RGS7BP: variants seen among roughly 807,000 people sequenced by gnomAD.
The protein encoded by RGS7BP is regulator of G protein signaling 7 binding protein.
In RGS7BP, 9 loss-of-function variants were observed where a neutral mutation model predicts 31.3. The observed-to-expected ratio is 0.29, with a 90% CI of 0.17 to 0.50. The LOEUF (loss-of-function observed/expected upper bound fraction) is 0.50, where lower values mean the gene tolerates loss of function less well. Ranked by LOEUF, RGS7BP falls within the 20% of genes least tolerant of loss-of-function variation. RGS7BP has a pLI of 0.98. For synonymous variants in RGS7BP, 115 were observed against 120.1 expected, an observed-to-expected ratio of 0.96 and a Z score of 0.28; for missense variants, 274 against 322.0, an observed-to-expected ratio of 0.85 and a Z score of 1.14.
chr5:64,527,586 T>A, intron 2 of RGS7BP, among the ~76,000 whole-genome samples: 1 of 117,652 alleles, frequency 8.5e-6, no homozygotes, highest in Non-Finnish European at 1.7e-5. Context: ...GTATGTATAT[T>A]AAAGCATTGC....
At chr5:64,601,016 G>C (rs1253366774) in intron 5 of RGS7BP, among the ~76,000 whole-genome samples, 6 of 152,120 alleles carry the variant, frequency 3.9e-5, no homozygotes, top group Non-Finnish European at 7.4e-5. Flanking sequence ...CTTTTCAGGT[G>C]GTTTATTTAT....
intron 3 of RGS7BP, among the ~76,000 whole-genome samples, chr5:64,585,374 A>G (rs754168554): frequency 4.6e-5 from 7 of 152,066 alleles, no homozygotes; most frequent in Non-Finnish European, 1.0e-4. Flanking sequence ...AAAAGATATT[A>G]TCTATGGCAG....
intron 2 of RGS7BP, among the ~76,000 whole-genome samples, chr5:64,526,375 G>A (rs1749230856): frequency 6.6e-6 from 1 of 152,196 alleles, no homozygotes; most frequent in Non-Finnish European, 1.5e-5. Context: ...TCAGGCCCTG[G>A]AGTGGGAACC....
chr5:64,592,728 C>T (rs185328949), intron 3 of RGS7BP, among the ~76,000 whole-genome samples: 2 of 152,276 alleles, frequency 1.3e-5, no homozygotes, highest in East Asian at 3.9e-4. Context: ...AATCTTCTTC[C>T]CCTCCTCCTC....
intron 3 of RGS7BP, among the ~76,000 whole-genome samples, chr5:64,576,991 CT>C (rs1336032423): frequency 6.6e-6 from 1 of 152,022 alleles, no homozygotes; most frequent in Non-Finnish European, 1.5e-5. Context: ...CTTAGAAATA[CT>C]CAGGGAAAAG....
At chr5:64,532,737 C>T (rs1749403598) in intron 2 of RGS7BP, among the ~76,000 whole-genome samples, 1 of 152,038 alleles carries the variant, frequency 6.6e-6, no homozygotes. Context: ...TGAGCCCCCA[C>T]CTCTCATATT....
At chr5:64,564,171 A>G (rs1425354690) in intron 2 of RGS7BP, among the ~76,000 whole-genome samples, 1 of 152,172 alleles carries the variant, frequency 6.6e-6, no homozygotes, top group African/African-American at 2.4e-5. Context: ...CAATGCTACC[A>G]TACTCTTAAT....
At chr5:64,597,426 T>G (rs1044594702) in intron 4 of RGS7BP, among the ~76,000 whole-genome samples, 3 of 151,978 alleles carry the variant, frequency 2.0e-5, no homozygotes, top group Non-Finnish European at 4.4e-5. Flanking sequence ...TTTTCCCTCT[T>G]GTTCCCATAC....
At chr5:64,508,494 A>G (rs1331194261) in intron 2 of RGS7BP, among the ~76,000 whole-genome samples, 8 of 152,190 alleles carry the variant, frequency 5.3e-5, no homozygotes, top group African/African-American at 4.8e-5. Context: ...ATTTATTTTC[A>G]TCAGATTTAT....
intron 2 of RGS7BP, among the ~76,000 whole-genome samples, chr5:64,570,338 T>C (rs1359001278): frequency 6.6e-6 from 1 of 152,152 alleles, no homozygotes; most frequent in Non-Finnish European, 1.5e-5. Flanking sequence ...ATATAGGTGT[T>C]ATTCCAATTT....
chr5:64,540,627 G>A (rs1242702838), intron 2 of RGS7BP, among the ~76,000 whole-genome samples: 1 of 152,112 alleles, frequency 6.6e-6, no homozygotes, highest in Non-Finnish European at 1.5e-5. Context: ...CCTCCAAAAA[G>A]ATTATACTAA....
Position 64,530,204 on chromosome 5 carries a change from C to G in RGS7BP, c.332+22327C>G, listed in dbSNP as rs562277026. ...CTTATCTACTCATCTTTACAACATA[C>G]TTTAACTGTATTGCTCACATTGGAA... On this transcript the variant is annotated intron_variant, in intron 2 of 5. Coordinates refer to ENST00000334025, the MANE Select transcript of RGS7BP (RefSeq NM_001029875.3). Among the ~76,000 whole-genome samples the G allele has an allele frequency of 5.9e-5, 9 of 152,284 alleles. No individual in the cohort carries two copies. In the South Asian group the frequency reaches 1.9e-3, roughly 32 times the overall value.
rs1395082774 is a variant in RGS7BP at position 64,612,143 on chromosome 5, A to G, written c.*2891A>G. ...CTTTGTGGGAAATCTGAAAAATACT[A>G]CCAAATAGAAAATAAAAATCACCTG... On this transcript the variant is annotated 3_prime_UTR_variant, in exon 6 of 6. Coordinates refer to ENST00000334025, the MANE Select transcript of RGS7BP (RefSeq NM_001029875.3). The G allele has an allele frequency of 6.7e-6, 1 of 150,314 alleles. No homozygotes were observed. The highest frequency in any genetic ancestry group is 1.5e-5 in the Non-Finnish European group (1 of 67,378). 9.3% of individuals were successfully genotyped at this position (150,314 alleles called of 1,614,324 possible).
intron 2 of RGS7BP, among the ~76,000 whole-genome samples, chr5:64,550,118 C>T (rs1173784275): frequency 6.6e-6 from 1 of 152,216 alleles, no homozygotes; most frequent in African/African-American, 2.4e-5. Context: ...TGAAACTCTT[C>T]CAGCCTCTAC....
intron 2 of RGS7BP, among the ~76,000 whole-genome samples, chr5:64,553,094 T>G (rs1471553187): frequency 1.3e-5 from 2 of 152,168 alleles, no homozygotes; most frequent in Non-Finnish European, 2.9e-5. Context: ...TGCCTTTTAT[T>G]TTTGGAGCTT....
At chr5:64,589,645 C>T (rs1435254885) in intron 3 of RGS7BP, among the ~76,000 whole-genome samples, 3 of 151,868 alleles carry the variant, frequency 2.0e-5, no homozygotes, top group Non-Finnish European at 2.9e-5. Flanking sequence ...TATAAAGTAA[C>T]ATGACAGGCC....
In RGS7BP at chr5:64,566,371, T is replaced by G. The variant is rs146897034; in HGVS notation, c.333-9403T>G. ...AACATCTTGTAAGTTAGGTGCAGAA[T>G]AGACAGTACACCCTGAGAGAGAGAG... On this transcript the variant is annotated intron_variant, in intron 2 of 5. Transcript: ENST00000334025. 3.4e-3 allele frequency among the ~76,000 whole-genome samples: 512 copies of G among 152,228 alleles called. 5 individuals are homozygous for G. Among genetic ancestry groups the G allele is most frequent in the African/African-American group, 0.011 (440 of 41,544 alleles).
chr5:64,506,572 G>T lies in RGS7BP; in HGVS notation c.-53G>T. On this transcript the variant is annotated 5_prime_UTR_variant, in exon 1 of 6. Transcript: ENST00000334025. This position sits in a 1 kb window ranked among gnomAD's most constrained non-coding sequence, Gnocchi z 4.6. Reference sequence around the variant, plus strand: ...CGGCGCCCAGGGCAACAACCGGGCCGCCCGCGCCGGGGCGCACTGCACCAG... The same window carrying T: ...CGGCGCCCAGGGCAACAACCGGGCCTCCCGCGCCGGGGCGCACTGCACCAG... 1 of 1,523,358 alleles carries T rather than the reference G, an allele frequency of 6.6e-7. No homozygotes were observed. Among genetic ancestry groups the T allele is most frequent in the Non-Finnish European group, 8.9e-7 (1 of 1,123,604 alleles). The allele number at this position is 1,523,358 out of a possible 1,614,324, so 94.4% of individuals were successfully genotyped here.
At chr5:64,609,117 T>C in intron 5 of RGS7BP, 44 bp from the exon 6 acceptor site, 1 of 1,237,532 alleles carries the variant, frequency 8.1e-7, no homozygotes, top group Admixed American at 1.7e-5. Flanking sequence ...AAGCAGGTTG[T>C]TGTGTCTATA....
Sources: allele counts gnomAD v4.1 joint callset (sites outside exome capture counted in the v4.1 genomes callset), GRCh38; gene constraint gnomAD v4.1.1; non-coding constraint Gnocchi (gnomAD v3.1); transcripts MANE v1.5; gene names NCBI Gene and HGNC (gene_info 2026-07-23, HGNC 2026-07-21).